The following KALRN variants were observed in gnomAD, a reference collection of about 807,000 sequenced individuals.
KALRN encodes kalirin.
Under a neutral mutation model 353.7 loss-of-function variants are expected in KALRN, and 70 were observed. That is an observed-to-expected ratio of 0.20 (90% CI 0.16 to 0.24). KALRN has a LOEUF of 0.24. KALRN is among the 10% of genes least tolerant of loss of function. The pLI is 1.00. For missense variants in KALRN, 2,791 were observed against 3,756.7 expected, an observed-to-expected ratio of 0.74 and a Z score of 6.72; for synonymous variants, 1,391 against 1,434.8, an observed-to-expected ratio of 0.97 and a Z score of 0.69.
At chr3:124,346,526 G>A (rs938372680) in intron 9 of KALRN, among the ~76,000 whole-genome samples, 4 of 152,152 alleles carry the variant, frequency 2.6e-5, no homozygotes, top group African/African-American at 9.7e-5. Context: ...TTATTTGTTT[G>A]TTTGGTTGGT....
intron 33 of KALRN, among the ~76,000 whole-genome samples, chr3:124,553,771 C>A (rs2070843294): frequency 6.6e-6 from 1 of 152,198 alleles, no homozygotes; most frequent in South Asian, 2.1e-4. Flanking sequence ...ACAAAGGAGC[C>A]AGGAGATGCC....
intron 1 of KALRN, among the ~76,000 whole-genome samples, chr3:124,104,192 ATAAT>A (rs2062098822): frequency 6.6e-6 from 1 of 152,222 alleles, no homozygotes; most frequent in South Asian, 2.1e-4. Flanking sequence ...CAAGAGAGAA[ATAAT>A]TGGGTCTGAA....
At chr3:124,229,592 G>A (rs1468742842) in intron 2 of KALRN, among the ~76,000 whole-genome samples, 3 of 152,330 alleles carry the variant, frequency 2.0e-5, no homozygotes, top group Non-Finnish European at 2.9e-5. Context: ...GCTGTTGGGC[G>A]ACAGCCAAAA....
intron 1 of KALRN, among the ~76,000 whole-genome samples, chr3:124,179,469 T>C (rs1199804449): frequency 6.6e-6 from 1 of 152,260 alleles, no homozygotes; most frequent in East Asian, 1.9e-4. Flanking sequence ...GAATACTTCC[T>C]GAAAGACCTG....
chr3:124,538,726 G>T lies in KALRN; in HGVS notation c.4936-24117G>T, dbSNP rs140372596. On this transcript the variant is annotated intron_variant, in intron 33 of 59. Coordinates refer to ENST00000682506, the MANE Select transcript of KALRN (RefSeq NM_001388419.1). ...TAGTGGGGCCCCAAAAGGCCACAGA[G>T]CTCAGAGTGGCTGGAGCAACTCTCC... 2.4e-3 allele frequency among the ~76,000 whole-genome samples: 365 copies of T among 152,324 alleles called. 2 individuals carry two copies. The highest frequency in any genetic ancestry group is 7.8e-3 in the African/African-American group (325 of 41,578).
intron 51 of KALRN, 61 bp from the exon 52 acceptor site, chr3:124,693,743 C>A: frequency 8.7e-7 from 1 of 1,142,914 alleles, no homozygotes; most frequent in South Asian, 1.4e-5. Context: ...ACGGTGAAGT[C>A]CCTTGTTCTC....
intron 21 of KALRN, among the ~76,000 whole-genome samples, chr3:124,452,521 G>A (rs891046517): frequency 6.6e-6 from 1 of 152,128 alleles, no homozygotes; most frequent in Admixed American, 6.6e-5. Context: ...TTGTTTTTTG[G>A]GGAGGAGAGG....
rs559719581 is a variant in KALRN, at chr3:124,153,872, T to C, written c.74-74118T>C. 5.9e-5 allele frequency among the ~76,000 whole-genome samples: 9 copies of C among 152,206 alleles called. No homozygotes were observed. The East Asian group carries it at 1.7e-3, about 29-fold the overall frequency. On this transcript the variant is annotated intron_variant, in intron 1 of 59. Coordinates refer to ENST00000682506, the MANE Select transcript of KALRN (RefSeq NM_001388419.1). ...TTTGCATTTCTCTGATGGCCAGTGA[T>C]GATGAGCATTTTTTCATGTGTCTTT...
At chr3:124,041,598 G>T (rs1382565201) in intron 1 of KALRN, among the ~76,000 whole-genome samples, 3 of 152,188 alleles carry the variant, frequency 2.0e-5, no homozygotes, top group South Asian at 2.1e-4. Flanking sequence ...AAGAATGGCA[G>T]TCCCTGTCTG....
intron 33 of KALRN, among the ~76,000 whole-genome samples, chr3:124,516,999 G>A (rs1253188126): frequency 6.6e-6 from 1 of 152,064 alleles, no homozygotes. Context: ...TGTATTTTTA[G>A]TAGAGACGGG....
At chr3:124,232,938 T>C (rs752275545) in intron 2 of KALRN, among the ~76,000 whole-genome samples, 13 of 151,732 alleles carry the variant, frequency 8.6e-5, no homozygotes, top group Non-Finnish European at 1.9e-4. Context: ...CATTAGTGAA[T>C]GCACTTTAAA....
chr3:124,721,015 T>C lies in KALRN; in HGVS notation c.*1545T>C, dbSNP rs923562180. The C allele has an allele frequency of 1.3e-5, 2 of 152,106 alleles. No homozygotes were observed. Among genetic ancestry groups the C allele is most frequent in the Non-Finnish European group, 2.9e-5 (2 of 68,012 alleles). 9.4% of individuals were successfully genotyped at this position (152,106 alleles called of 1,614,324 possible). On this transcript the variant is annotated 3_prime_UTR_variant, in exon 60 of 60. Coordinates refer to ENST00000682506, the MANE Select transcript of KALRN (RefSeq NM_001388419.1). ...CTCTCCTATAATGGGATAGAGAAAA[T>C]TAAAATCACGTAGTACAGAAGTGCA... is the stretch of plus-strand genomic sequence containing the variant.
chr3:124,422,041 A>C (rs556608781), intron 14 of KALRN, among the ~76,000 whole-genome samples: 25 of 152,334 alleles, frequency 1.6e-4, no homozygotes, highest in South Asian at 4.1e-4. Context: ...TGAGCTTACT[A>C]ATTGTAAATC....
chr3:124,431,238 C>G (rs2093260459), intron 16 of KALRN, among the ~76,000 whole-genome samples: 1 of 152,166 alleles, frequency 6.6e-6, no homozygotes, highest in Non-Finnish European at 1.5e-5. Flanking sequence ...TTGTCAGAGT[C>G]TGCCTTTTAA....
chr3:124,330,275 CA>C, intron 8 of KALRN, among the ~76,000 whole-genome samples: 1 of 151,636 alleles, frequency 6.6e-6, no homozygotes, highest in African/African-American at 2.4e-5. Flanking sequence ...CACACACACA[CA>C]CACACACACA....
At chr3:124,592,444 A>G (rs1363426297) in intron 34 of KALRN, among the ~76,000 whole-genome samples, 1 of 150,756 alleles carries the variant, frequency 6.6e-6, no homozygotes, top group Admixed American at 6.6e-5. Context: ...GATGCTGAGC[A>G]TCTACATTAT....
At chr3:124,495,729 T>TAAAAA (rs1170201040) in intron 32 of KALRN, among the ~76,000 whole-genome samples, 12 of 68,204 alleles carry the variant, frequency 1.8e-4, no homozygotes, top group Non-Finnish European at 2.1e-4. Flanking sequence ...GACTCCATCT[T>TAAAAA]AAAAAAAAAA....
intron 34 of KALRN, among the ~76,000 whole-genome samples, chr3:124,582,065 G>C (rs1188344507): frequency 6.7e-6 from 1 of 149,134 alleles, no homozygotes; most frequent in Non-Finnish European, 1.5e-5. Context: ...CTGTTGCCCA[G>C]GCTGGAGTGC....
chr3:124,095,742 T>C (rs986334139), intron 1 of KALRN: 2 of 152,216 alleles, frequency 1.3e-5, no homozygotes, highest in Non-Finnish European at 2.9e-5. Context: ...ACTGTGAACT[T>C]GTTTGGTAAT....
Sources: gnomAD v4.1 joint callset for allele counts (sites outside exome capture counted in the v4.1 genomes callset) on GRCh38, gnomAD v4.1.1 for gene constraint, MANE v1.5 for transcripts, NCBI Gene and HGNC (gene_info 2026-07-23, HGNC 2026-07-21) for gene names.